Variants in NCOA6 observed in about 807,000 individuals in gnomAD.
The protein encoded by NCOA6 is NRC RAP250.
In NCOA6, 49 loss-of-function variants were observed where a neutral mutation model predicts 171.4. The observed-to-expected ratio is 0.29, with a 90% CI of 0.23 to 0.36. NCOA6 has a LOEUF of 0.36. Among genes scored for constraint, NCOA6 ranks in the 10% least tolerant of loss-of-function variants. The probability of loss-of-function intolerance (pLI) is 1.00; values close to 1 mark genes in which losing one functional copy is unlikely to be tolerated. For synonymous variants in NCOA6, 910 were observed against 927.5 expected (o/e 0.98, Z 0.34); for missense variants, 2,248 against 2,554.5 (o/e 0.88, Z 2.59).
rs751187935 is a variant in NCOA6, at chr20:34,757,697, C to T, written c.1051G>A (p.Gly351Ser). ...GCCTGGAGTTGCTGTTGCATTGGGCCGGGCAAGGGAGCCTTCTTCCACCCT... is the reference window on the plus strand; with the variant it reads ...GCCTGGAGTTGCTGTTGCATTGGGCTGGGCAAGGGAGCCTTCTTCCACCCT... ...NQGWKKAPLPGPMQQQLQARP... is the reference protein window; with the variant it reads ...NQGWKKAPLPSPMQQQLQARP... The change falls in exon 7 of 15, where the codon GGC (glycine) becomes AGC (serine). Residue 351 changes from glycine (G) to serine (S), a missense_variant. Gly to Ser is a moderately conservative substitution (Grantham distance 56, BLOSUM62 0). Around this residue, in one of 7 missense-constraint regions of NCOA6, gnomAD observed 987 missense variants for 1,104.7 expected, o/e 0.89. Coordinates refer to ENST00000359003, the MANE Select transcript of NCOA6 (RefSeq NM_014071.5). 1.4e-5 allele frequency: 23 copies of T among 1,613,960 alleles called. No individual in the cohort carries two copies. Among genetic ancestry groups the T allele is most frequent in the Middle Eastern group, 1.6e-4 (1 of 6,084 alleles).
chr20:34,824,220 G>A (rs188348570), intron 1 of NCOA6, among the ~76,000 whole-genome samples: 76 of 152,250 alleles, frequency 5.0e-4, no homozygotes, highest in Admixed American at 4.9e-3. Context: ...TTCATCACAA[G>A]AATGTTATGC....
chr20:34,720,341 A>C (rs1044137821), intron 14 of NCOA6, among the ~76,000 whole-genome samples: 1 of 152,250 alleles, frequency 6.6e-6, no homozygotes, highest in African/African-American at 2.4e-5. Context: ...TTGTGTAATT[A>C]TAAGTGACCC....
chr20:34,764,470 G>A (rs1600913157), intron 5 of NCOA6, among the ~76,000 whole-genome samples: 1 of 152,038 alleles, frequency 6.6e-6, no homozygotes, highest in African/African-American at 2.4e-5. Flanking sequence ...GAGACGCGTG[G>A]ATCACTTGAG....
intron 1 of NCOA6, among the ~76,000 whole-genome samples, chr20:34,802,048 A>G (rs1318188672): frequency 2.6e-5 from 4 of 152,258 alleles, no homozygotes; most frequent in Non-Finnish European, 5.9e-5. Context: ...TCATTCTACA[A>G]GGCCAATATT....
At chr20:34,743,929 T>C (rs1158541765) in intron 10 of NCOA6, among the ~76,000 whole-genome samples, 1 of 152,226 alleles carries the variant, frequency 6.6e-6, no homozygotes, top group Non-Finnish European at 1.5e-5. Flanking sequence ...AATTTAAAAT[T>C]ATTCCAATTC....
chr20:34,821,448 C>T (rs2079004903), intron 1 of NCOA6: 1 of 152,188 alleles, frequency 6.6e-6, no homozygotes, highest in Admixed American at 6.5e-5. Context: ...TCTTTTATGT[C>T]TGCTGACACC....
intron 9 of NCOA6, among the ~76,000 whole-genome samples, chr20:34,748,389 G>C (rs1246398046): frequency 2.0e-5 from 3 of 152,178 alleles, no homozygotes; most frequent in Non-Finnish European, 2.9e-5. Flanking sequence ...ACAGTACAAA[G>C]AATGTTGTGG....
At chr20:34,765,434 C>T (rs1170721708) in intron 5 of NCOA6, among the ~76,000 whole-genome samples, 3 of 126,456 alleles carry the variant, frequency 2.4e-5, no homozygotes, top group Middle Eastern at 3.6e-3. Context: ...AGCGAGAGTC[C>T]GTCTCAAAAA....
At chr20:34,809,553 G>A (rs2078582533) in intron 1 of NCOA6, 1 of 398,312 alleles carries the variant, frequency 2.5e-6, no homozygotes, top group Admixed American at 4.4e-5. Context: ...GCAAGAGGAA[G>A]AAGAGAAACA....
Position 34,715,214 on chromosome 20 carries a change from A to T in NCOA6, c.*108T>A. On this transcript the variant is annotated 3_prime_UTR_variant, in exon 15 of 15. Transcript: ENST00000359003. ...CAGGGACTAGGAAAAGGGCCACATTATTAAAATTACTAACTGTACAGAAAT... is the reference window on the plus strand; with the variant it reads ...CAGGGACTAGGAAAAGGGCCACATTTTTAAAATTACTAACTGTACAGAAAT... 2.1e-6 allele frequency: 3 copies of T among 1,460,648 alleles called. No homozygotes were observed. Among genetic ancestry groups the T allele is most frequent in the Non-Finnish European group, 2.9e-6 (3 of 1,049,120 alleles). The allele number at this position is 1,460,648 out of a possible 1,614,324, so 90.5% of individuals were successfully genotyped here.
At chr20:34,789,070 T>G (rs1204923231) in intron 2 of NCOA6, among the ~76,000 whole-genome samples, 2 of 152,232 alleles carry the variant, frequency 1.3e-5, no homozygotes, top group Non-Finnish European at 2.9e-5. Flanking sequence ...TACAAAAAAG[T>G]ATATACTATA....
Position 34,732,578 on chromosome 20 carries a change from C to A in NCOA6, c.5980G>T (p.Ala1994Ser). The part of the protein sequence containing the change: ...VARPELEVNA[A>S]IVSGQSSEPK... ...TCTTACCTTTGTCCAGAGACTATGG[C>A]AGCATTTACCTCCAGCTCTGCAAAA... The change falls in exon 13 of 15, where the codon GCC becomes TCC. Residue 1994 changes from alanine to serine, a missense_variant. Transcript: ENST00000359003. 11 of 1,613,704 alleles carry A rather than the reference C, an allele frequency of 6.8e-6. No individual in the cohort carries two copies. The highest frequency in any genetic ancestry group is 9.3e-6 in the Non-Finnish European group (11 of 1,179,822).
At chr20:34,825,416 G>A (rs1392389255) in intron 1 of NCOA6, 56 bp downstream of exon 1, 1 of 149,634 alleles carries the variant, frequency 6.7e-6, no homozygotes, top group Non-Finnish European at 1.5e-5. Context: ...GCCCGACAAG[G>A]ACCGCGGACG....
At chr20:34,786,340 A>G (rs1295102383) in intron 2 of NCOA6, among the ~76,000 whole-genome samples, 1 of 151,654 alleles carries the variant, frequency 6.6e-6, no homozygotes, top group Non-Finnish European at 1.5e-5. Context: ...TCACATCTCT[A>G]TCTCCTTCAG....
At chr20:34,737,490 C>T (rs1440206481) in intron 11 of NCOA6, among the ~76,000 whole-genome samples, 1 of 152,116 alleles carries the variant, frequency 6.6e-6, no homozygotes, top group African/African-American at 2.4e-5. Context: ...GTATAAAATA[C>T]TACAAAAGTC....
intron 1 of NCOA6, among the ~76,000 whole-genome samples, chr20:34,822,019 CTG>C (rs2079023629): frequency 6.6e-6 from 1 of 152,104 alleles, no homozygotes; most frequent in Non-Finnish European, 1.5e-5. Flanking sequence ...CCCACAGCCT[CTG>C]CCTTAGTTCA....
chr20:34,778,881 C>A (rs1168142401), intron 3 of NCOA6, among the ~76,000 whole-genome samples: 4 of 148,516 alleles, frequency 2.7e-5, no homozygotes, highest in African/African-American at 7.4e-5. Context: ...ATGGCGTGAA[C>A]CCGGGAGACG....
chr20:34,811,565 C>A (rs1379413905), intron 1 of NCOA6, among the ~76,000 whole-genome samples: 1 of 152,064 alleles, frequency 6.6e-6, no homozygotes, highest in Non-Finnish European at 1.5e-5. Context: ...TAACAGAAGT[C>A]TTTCTTAATT....
Position 34,746,813 on chromosome 20 carries a change from G to T in NCOA6, c.2908C>A (p.Pro970Thr). 6.2e-7 allele frequency: 1 copy of T among 1,606,770 alleles called. No homozygotes were observed. Among genetic ancestry groups the T allele is most frequent in the Non-Finnish European group, 8.5e-7 (1 of 1,175,236 alleles). Residue 970 changes from proline (P) to threonine (T), a missense_variant, in exon 10 of 15, where the codon CCA (proline) becomes ACA (threonine). Transcript: ENST00000359003. ...CTAGCTAACATTTTATCACCTGGTGGCCGGTTTGAAAATTCTGGCAGTTTA... is the reference window on the plus strand; with the variant it reads ...CTAGCTAACATTTTATCACCTGGTGTCCGGTTTGAAAATTCTGGCAGTTTA... ...GPKLPEFSNR[P>T]PGYPSQPVEQ...
Sources: gnomAD v4.1 joint callset for allele counts (sites outside exome capture counted in the v4.1 genomes callset) on GRCh38, gnomAD v4.1.1 for gene constraint, gnomAD v4.1.1 regional missense constraint, MANE v1.5 for transcripts, NCBI Gene and HGNC (gene_info 2026-07-23, HGNC 2026-07-21) for gene names.